Variants in ZHX1 observed in about 807,000 individuals in gnomAD.
ZHX1 encodes zinc fingers and homeoboxes protein 1.
In ZHX1, 20 loss-of-function variants were observed where a neutral mutation model predicts 61.8. The ratio of observed to expected loss-of-function variants is 0.32; its 90% CI spans 0.23 to 0.47. ZHX1 has a LOEUF of 0.47. Among genes scored for constraint, ZHX1 ranks in the 20% least tolerant of loss-of-function variants. The pLI is 1.00. For missense variants in ZHX1, 800 were observed against 1,034.8 expected, an observed-to-expected ratio of 0.77 and a Z score of 3.11; for synonymous variants, 318 against 352.6, an observed-to-expected ratio of 0.90 and a Z score of 1.10.
Position 123,256,116 on chromosome 8 carries a change from T to C in ZHX1, c.-170A>G, listed in dbSNP as rs1826064497. 2.0e-6 allele frequency: 1 copy of C among 493,660 alleles called. No individual in the cohort carries two copies. The highest frequency in any genetic ancestry group is 3.5e-6 in the Non-Finnish European group (1 of 285,864). The allele number at this position is 493,660 out of a possible 1,614,324, so 30.6% of individuals were successfully genotyped here. Reference sequence around the variant, plus strand: ...GTGCAATCAAGTAAAGAGCTTATTGTTGGCAGATAAAATACTGCTGAATTT... The same window carrying C: ...GTGCAATCAAGTAAAGAGCTTATTGCTGGCAGATAAAATACTGCTGAATTT... On this transcript the variant is annotated 5_prime_UTR_variant, in exon 3 of 4. Coordinates refer to ENST00000395571, the MANE Select transcript of ZHX1 (RefSeq NM_007222.5).
At chr8:123,268,104 CCT>C (rs1167139514) in intron 1 of ZHX1, among the ~76,000 whole-genome samples, 1 of 152,076 alleles carries the variant, frequency 6.6e-6, no homozygotes. Context: ...AGTACATAAA[CCT>C]AGTGATATTT....
rs1308657566 is a variant in ZHX1, at chr8:123,254,166, G to T, written c.1781C>A (p.Thr594Lys). 1 of 1,614,072 alleles carries T rather than the reference G, an allele frequency of 6.2e-7. No individual in the cohort carries two copies. The highest frequency in any genetic ancestry group is 8.5e-7 in the Non-Finnish European group (1 of 1,180,010). The change falls in exon 3 of 4, where the codon ACA becomes AAA. Residue 594 changes from threonine (T) to lysine (K), a missense_variant. Coordinates refer to ENST00000395571, the MANE Select transcript of ZHX1 (RefSeq NM_007222.5). The surrounding 1 kb of genome is among the most constrained non-coding windows in gnomAD (Gnocchi z 4.1). Reference protein sequence around the residue: ...QASFLNSSVLTDEELNRLRAQ... With the variant: ...QASFLNSSVLKDEELNRLRAQ... The stretch of plus-strand genomic sequence containing the variant: ...CCTTAACCTATTTAATTCTTCATCT[G>T]TAAGTACAGAGCTGTTGAGAAAACT...
At chr8:123,266,466 C>T (rs60005304) in intron 2 of ZHX1, among the ~76,000 whole-genome samples, 5,483 of 152,178 alleles carry the variant, frequency 0.036, 322 homozygotes, top group African/African-American at 0.12. Flanking sequence ...ACTCTGTTAT[C>T]CATTTTTTAA....
intron 1 of ZHX1, among the ~76,000 whole-genome samples, chr8:123,269,142 G>A (rs927908405): frequency 1.3e-5 from 2 of 152,122 alleles, no homozygotes; most frequent in African/African-American, 4.8e-5. Flanking sequence ...TACAGGATGT[G>A]GACTAGAAGA....
chr8:123,253,685 T>TC lies in ZHX1; in HGVS notation c.2261dup (p.Arg755LysfsTer7). 1 of 1,614,214 alleles carries TC rather than the reference T, an allele frequency of 6.2e-7. No homozygotes were observed. Among genetic ancestry groups the TC allele is most frequent in the Non-Finnish European group, 8.5e-7 (1 of 1,180,034 alleles). ...TTCCTCTAGGCCGCCCACGCGGTCT[T>TC]CCTCTTCCCCGTCCTTTGGGTCTCC... On this transcript the variant is annotated frameshift_variant, in exon 3 of 4. Coordinates refer to ENST00000395571, the MANE Select transcript of ZHX1 (RefSeq NM_007222.5). LOFTEE classifies it high-confidence loss of function.
chr8:123,268,303 C>G (rs985050749), intron 1 of ZHX1, among the ~76,000 whole-genome samples: 1 of 152,164 alleles, frequency 6.6e-6, no homozygotes, highest in African/African-American at 2.4e-5. Flanking sequence ...AATCAGTGCA[C>G]TGTGAAGTAT....
At chr8:123,264,741 A>G (rs1392139635) in intron 2 of ZHX1, among the ~76,000 whole-genome samples, 4 of 151,110 alleles carry the variant, frequency 2.6e-5, no homozygotes, top group African/African-American at 9.7e-5. Context: ...TATTTTTTTT[A>G]GTAGAGACGG....
intron 1 of ZHX1, chr8:123,273,849 G>A (rs1479509000): frequency 6.6e-6 from 1 of 152,426 alleles, no homozygotes; most frequent in Non-Finnish European, 1.5e-5. Flanking sequence ...TAAGTTGCTG[G>A]GTCCTCACCA....
rs375912936 is a variant in ZHX1 at position 123,272,433 on chromosome 8, T to C, written c.-340+1784A>G. ...AAAAAATATTCATGAAAGCCCTTTT[T>C]CTTTTATGTCCTGTTACCGCATTAT... On this transcript the variant is annotated intron_variant, in intron 1 of 3. Transcript: ENST00000395571. 9.2e-5 allele frequency among the ~76,000 whole-genome samples: 14 copies of C among 152,358 alleles called. No homozygotes were observed. The East Asian group carries it at 2.3e-3, about 25-fold the overall frequency.
intron 1 of ZHX1, chr8:123,273,686 A>G (rs908559420): frequency 2.0e-5 from 3 of 152,292 alleles, no homozygotes; most frequent in African/African-American, 7.3e-5. Flanking sequence ...ATCTCTCCTT[A>G]CTCTCAGGGA....
rs772134208 is a variant in ZHX1, at chr8:123,255,840, G to C, written c.107C>G (p.Thr36Arg). 2 of 1,614,174 alleles carry C rather than the reference G, an allele frequency of 1.2e-6. No individual in the cohort carries two copies. Among genetic ancestry groups the C allele is most frequent in the Non-Finnish European group, 8.5e-7 (1 of 1,180,032 alleles). ...CTCTGCTCTGGTGTTTTCTACAGGTGTAAGCACAGGAGGACCTTCATCCAA... is the reference window on the plus strand; with the variant it reads ...CTCTGCTCTGGTGTTTTCTACAGGTCTAAGCACAGGAGGACCTTCATCCAA... The part of the protein sequence containing the change: ...SDLDEGPPVL[T>R]PVENTRAESI... Residue 36 changes from threonine to arginine, a missense_variant, in exon 3 of 4, where the codon ACA (threonine) becomes AGA (arginine). By Grantham distance (71) the Thr-to-Arg change is moderately conservative. Coordinates refer to ENST00000395571, the MANE Select transcript of ZHX1 (RefSeq NM_007222.5).
chr8:123,260,954 G>T (rs535233668), intron 2 of ZHX1, among the ~76,000 whole-genome samples: 1 of 152,120 alleles, frequency 6.6e-6, no homozygotes, highest in Non-Finnish European at 1.5e-5. Context: ...TCCGGGAGGT[G>T]GAGGATGCAG....
rs3078432 is a variant in ZHX1 at position 123,248,599 on chromosome 8, A to AATTT, written c.*1724_*1725insAAAT. On this transcript the variant is annotated 3_prime_UTR_variant, in exon 4 of 4. Coordinates refer to ENST00000395571, the MANE Select transcript of ZHX1 (RefSeq NM_007222.5). ...TCAGGCCTATAAAAGAGATGAGGGA[A>AATTT]ATTAATAGTTATATACAGCTACACA... The AATTT allele has an allele frequency of 0.059, 9,021 of 152,538 alleles. 862 individuals are homozygous for AATTT. The highest frequency in any genetic ancestry group is 0.21 in the African/African-American group (8,562 of 41,480). 9.4% of individuals were successfully genotyped at this position (152,538 alleles called of 1,614,324 possible).
At chr8:123,259,109 T>C (rs1415610040) in intron 2 of ZHX1, among the ~76,000 whole-genome samples, 1 of 152,212 alleles carries the variant, frequency 6.6e-6, no homozygotes, top group Non-Finnish European at 1.5e-5. Flanking sequence ...ACTGGAATTA[T>C]TCAAATACAG....
chr8:123,253,430 A>C lies in ZHX1; in HGVS notation c.2517T>G (p.Asp839Glu). 6.2e-7 allele frequency: 1 copy of C among 1,613,968 alleles called. No individual in the cohort carries two copies. Among genetic ancestry groups the C allele is most frequent in the Non-Finnish European group, 8.5e-7 (1 of 1,179,952 alleles). The change falls in exon 3 of 4, where the codon GAT becomes GAG. Residue 839 changes from aspartate (D) to glutamate (E), a missense_variant. Asp to Glu is a conservative substitution (Grantham distance 45). Coordinates refer to ENST00000395571, the MANE Select transcript of ZHX1 (RefSeq NM_007222.5). ...CCTCTTCCTGGTCATCAATAACTTC[A>C]TCTTCCTCCTCATTTTCCTCAAATA... ...IELFEENEEE[D>E]EVIDDQEEDE...
chr8:123,258,558 T>C (rs902969069), intron 2 of ZHX1, among the ~76,000 whole-genome samples: 4 of 152,312 alleles, frequency 2.6e-5, no homozygotes, highest in East Asian at 1.9e-4. Context: ...CTATTTTGGC[T>C]GACATCTCAT....
rs777428197 is a variant in ZHX1, at chr8:123,255,505, T to C, written c.442A>G (p.Ile148Val). The change falls in exon 3 of 4, where the codon ATA becomes GTA. Residue 148 changes from isoleucine (I) to valine (V), a missense_variant. By Grantham distance (29) the Ile-to-Val change is conservative (BLOSUM62 3). Transcript: ENST00000395571. ...RNNQTIFEQTINDLTFDGSFV... is the reference protein window; with the variant it reads ...RNNQTIFEQTVNDLTFDGSFV... ...CTACCATCAAAAGTCAGATCATTTATTGTTTGTTCAAAGATTGTCTGGTTA... is the reference window on the plus strand; with the variant it reads ...CTACCATCAAAAGTCAGATCATTTACTGTTTGTTCAAAGATTGTCTGGTTA... The C allele has an allele frequency of 9.9e-6, 16 of 1,613,566 alleles. No individual in the cohort carries two copies. The East Asian group carries it at 3.1e-4, about 31-fold the overall frequency.
chr8:123,255,475 C>A lies in ZHX1; in HGVS notation c.472G>T (p.Val158Phe), dbSNP rs780372539. 1.2e-6 allele frequency: 2 copies of A among 1,613,446 alleles called. No individual in the cohort carries two copies. Among genetic ancestry groups the A allele is most frequent in the South Asian group, 2.2e-5 (2 of 91,064 alleles). ...GCTTGCTCTGCATTCTCCTCTTTAA[C>A]AAAACTACCATCAAAAGTCAGATCA... ...INDLTFDGSF[V>F]KEENAEQAES... The change falls in exon 3 of 4, where the codon GTT (valine) becomes TTT (phenylalanine). Residue 158 changes from valine (V) to phenylalanine (F), a missense_variant. Physicochemically the swap from Val to Phe is conservative, Grantham distance 50. Coordinates refer to ENST00000395571, the MANE Select transcript of ZHX1 (RefSeq NM_007222.5).
At chr8:123,251,821 C>T (rs1263770262) in intron 3 of ZHX1, among the ~76,000 whole-genome samples, 1 of 152,074 alleles carries the variant, frequency 6.6e-6, no homozygotes, top group Non-Finnish European at 1.5e-5. Context: ...TACCCTATAA[C>T]CTGGAATGAT....
Sources: allele counts gnomAD v4.1 joint callset (sites outside exome capture counted in the v4.1 genomes callset), GRCh38; gene constraint gnomAD v4.1.1; non-coding constraint Gnocchi (gnomAD v3.1); transcripts MANE v1.5; gene names NCBI Gene and HGNC (gene_info 2026-07-23, HGNC 2026-07-21).